ARRDC3: variants seen among roughly 807,000 people sequenced by gnomAD.
ARRDC3 encodes the protein arrestin domain-containing protein 3.
Under a neutral mutation model 47.2 loss-of-function variants are expected in ARRDC3, and 10 were observed. The observed-to-expected ratio is 0.21, with a 90% confidence interval of 0.13 to 0.36. The LOEUF (loss-of-function observed/expected upper bound fraction) is 0.36, where lower values mean the gene tolerates loss of function less well. Among genes scored for constraint, ARRDC3 ranks in the 10% least tolerant of loss-of-function variants. ARRDC3 has a pLI of 1.00. For missense variants in ARRDC3, 381 were observed against 503.6 expected, an observed-to-expected ratio of 0.76 and a Z score of 2.33; for synonymous variants, 156 against 178.3, an observed-to-expected ratio of 0.87 and a Z score of 1.00.
intron 3 of ARRDC3, among the ~76,000 whole-genome samples, chr5:91,376,092 T>C (rs1324213762): frequency 6.6e-6 from 1 of 152,194 alleles, no homozygotes; most frequent in Non-Finnish European, 1.5e-5. Context: ...ACCATTTGTT[T>C]AAATCAAATA....
chr5:91,371,491 A>G, intron 7 of ARRDC3, 35 bp from the exon 8 acceptor site: 1 of 1,536,806 alleles, frequency 6.5e-7, no homozygotes, highest in Non-Finnish European at 9.0e-7. Context: ...TTACAGAGTT[A>G]TTTCATGAGG....
chr5:91,376,718 A>C lies in ARRDC3; in HGVS notation c.413T>G (p.Val138Gly). 6.2e-7 allele frequency: 1 copy of C among 1,613,988 alleles called. No individual in the cohort carries two copies. The highest frequency in any genetic ancestry group is 8.5e-7 in the Non-Finnish European group (1 of 1,179,916). The change falls in exon 3 of 8, where the codon GTG becomes GGG. Residue 138 changes from valine (V) to glycine (G), a missense_variant. Coordinates refer to ENST00000265138, the MANE Select transcript of ARRDC3 (RefSeq NM_020801.4). ...CCAAGGCCTGTGCAATTCGGCTTTC[A>C]CCCAATAGCGCACACTGCCATGTCG... ...EGRHGSVRYW[V>G]KAELHRPWLL...
chr5:91,375,037 C>T lies in ARRDC3; in HGVS notation c.755G>A (p.Gly252Glu). The change falls in exon 5 of 8, where the codon GGG (glycine) becomes GAG (glutamate). Residue 252 changes from glycine to glutamate, a missense_variant. Transcript: ENST00000265138. ...EVKQLVANLR[G>E]ESLSSGKTET... ...TGTCTTTCCAGATGATAAGGATTCCCCACGCAAGTTAGCCACAAGCTGTTT... is the reference window on the plus strand; with the variant it reads ...TGTCTTTCCAGATGATAAGGATTCCTCACGCAAGTTAGCCACAAGCTGTTT... The T allele has an allele frequency of 6.2e-7, 1 of 1,614,180 alleles. No homozygotes were observed. The highest frequency in any genetic ancestry group is 8.5e-7 in the Non-Finnish European group (1 of 1,180,022).
At chr5:91,378,909 GTTCTAA>G (rs1164832453) in intron 1 of ARRDC3, 134 bp from the exon 2 acceptor site, 9 of 494,102 alleles carry the variant, frequency 1.8e-5, no homozygotes, top group East Asian at 1.7e-4. Flanking sequence ...AGAGATCTGA[GTTCTAA>G]TTCTAACTTC....
intron 7 of ARRDC3, 120 bp from the exon 8 acceptor site, chr5:91,371,576 T>G (rs1157996006): frequency 1.4e-5 from 10 of 718,052 alleles, no homozygotes; most frequent in Admixed American, 2.7e-5. Context: ...AAACACAGCT[T>G]GTTAGCATAT....
Position 91,369,980 on chromosome 5 carries a change from T to C in ARRDC3, c.*1420A>G, listed in dbSNP as rs1799132062. On this transcript the variant is annotated 3_prime_UTR_variant, in exon 8 of 8. Coordinates refer to ENST00000265138, the MANE Select transcript of ARRDC3 (RefSeq NM_020801.4). ...TTCTTTAGGTAATGAAAAACAGTAT[T>C]CTCATTAGAAAAACACAAAAATCCA... The C allele has an allele frequency of 6.6e-6, 1 of 152,160 alleles. No homozygotes were observed. Among genetic ancestry groups the C allele is most frequent in the African/African-American group, 2.4e-5 (1 of 41,434 alleles). The allele number at this position is 152,160 out of a possible 1,614,324, so 9.4% of individuals were successfully genotyped here.
rs777369374 is a variant in ARRDC3 at position 91,376,676 on chromosome 5, A to G, written c.455T>C (p.Leu152Ser). The G allele has an allele frequency of 6.2e-7, 1 of 1,613,526 alleles. No homozygotes were observed. Among genetic ancestry groups the G allele is most frequent in the South Asian group, 1.1e-5 (1 of 91,070 alleles). Residue 152 changes from leucine to serine, a missense_variant, in exon 3 of 8, where the codon TTA becomes TCA. Leu to Ser is a moderately radical substitution (Grantham distance 145). Transcript: ENST00000265138. ...LHRPWLLPVK[L>S]KKEFTVFEHI... ...CTCAAAGACTGTAAATTCCTTCTTT[A>G]ATTTTACTGGTAGTAGCCAAGGCCT...
At position 91,369,411 on chromosome 5, in the gene ARRDC3, T is replaced by G. The variant is rs1382200232; in HGVS notation, c.*1989A>C. The G allele has an allele frequency of 1.3e-5, 2 of 152,132 alleles. No homozygotes were observed. The highest frequency in any genetic ancestry group is 6.6e-5 in the Admixed American group (1 of 15,156). The allele number at this position is 152,132 out of a possible 1,614,324, so 9.4% of individuals were successfully genotyped here. A position where few individuals can be genotyped will look rare whatever the true frequency, so the allele number is the denominator to read the frequency against. On this transcript the variant is annotated 3_prime_UTR_variant, in exon 8 of 8. Transcript: ENST00000265138. ...ATATTTCACCCCCATTTCCTTATTATCTAGTATTAGTTTGCTACGGGAGCC... is the reference window on the plus strand; with the variant it reads ...ATATTTCACCCCCATTTCCTTATTAGCTAGTATTAGTTTGCTACGGGAGCC...
At position 91,371,008 on chromosome 5, in the gene ARRDC3, G is replaced by GAAAAAAAAAAAAAAAAAAAAAAAAAA. The variant is rs767515801; in HGVS notation, c.*391_*392insTTTTTTTTTTTTTTTTTTTTTTTTTT. ...GAGTATCAAGAGTCTGGCAAAAATA[G>GAAAAAAAAAAAAAAAAAAAAAAAAAA]AAAAAAAAAAAAAAAAAAAAAGAAG... is the stretch of plus-strand genomic sequence containing the variant. On this transcript the variant is annotated 3_prime_UTR_variant, in exon 8 of 8. Transcript: ENST00000265138. The GAAAAAAAAAAAAAAAAAAAAAAAAAA allele has an allele frequency of 2.6e-5, 2 of 77,680 alleles. No individual in the cohort carries two copies. The highest frequency in any genetic ancestry group is 4.2e-5 in the African/African-American group (1 of 23,888). The allele number at this position is 77,680 out of a possible 1,614,324, so 4.8% of individuals were successfully genotyped here.
At chr5:91,382,303 A>G (rs1324959551) in intron 1 of ARRDC3, among the ~76,000 whole-genome samples, 1 of 152,258 alleles carries the variant, frequency 6.6e-6, no homozygotes, top group Non-Finnish European at 1.5e-5. Flanking sequence ...TAAGCCACAG[A>G]AATCTTTTAT....
chr5:91,376,608 A>T lies in ARRDC3; in HGVS notation c.510+13T>A, dbSNP rs766826395. 1 of 1,590,150 alleles carries T rather than the reference A, an allele frequency of 6.3e-7. No homozygotes were observed. Among genetic ancestry groups the T allele is most frequent in the Non-Finnish European group, 8.6e-7 (1 of 1,163,602 alleles). On this transcript the variant is annotated intron_variant, in intron 3 of 7. Coordinates refer to ENST00000265138, the MANE Select transcript of ARRDC3 (RefSeq NM_020801.4). The stretch of plus-strand genomic sequence containing the variant: ...GCCAAAAACAAAGAATAAATAATTC[A>T]GTCAATTCTTACCAGTAATGAAGGA...
rs1799170763 is a variant in ARRDC3, at chr5:91,371,287, G to A, written c.*113C>T. The A allele has an allele frequency of 4.3e-6, 4 of 921,094 alleles. No homozygotes were observed. The highest frequency in any genetic ancestry group is 6.6e-6 in the Non-Finnish European group (4 of 604,124). 57.1% of individuals were successfully genotyped at this position (921,094 alleles called of 1,614,324 possible). A position where few individuals can be genotyped will look rare whatever the true frequency, so the allele number is the denominator to read the frequency against. ...TGTTTCATGTATTCGCCATTTTTCTGGGCAAAAGTAATTCCACTTCCTCTG... is the reference window on the plus strand; with the variant it reads ...TGTTTCATGTATTCGCCATTTTTCTAGGCAAAAGTAATTCCACTTCCTCTG... On this transcript the variant is annotated 3_prime_UTR_variant, in exon 8 of 8. Transcript: ENST00000265138.
intron 1 of ARRDC3, among the ~76,000 whole-genome samples, chr5:91,381,664 A>T (rs1799460290): frequency 6.6e-6 from 1 of 152,254 alleles, no homozygotes; most frequent in African/African-American, 2.4e-5. Flanking sequence ...AATATAAAAA[A>T]TAAGGTAAAA....
chr5:91,371,173 C>T lies in ARRDC3; in HGVS notation c.*227G>A. ...CTAAGAAGACTGCTCTGAGTATGTG[C>T]CAGTTTTAAAAGAGAAAAGCTTAGA... is the stretch of plus-strand genomic sequence containing the variant. On this transcript the variant is annotated 3_prime_UTR_variant, in exon 8 of 8. Coordinates refer to ENST00000265138, the MANE Select transcript of ARRDC3 (RefSeq NM_020801.4). 1.9e-6 allele frequency: 1 copy of T among 534,444 alleles called. No individual in the cohort carries two copies. Among genetic ancestry groups the T allele is most frequent in the African/African-American group, 1.9e-5 (1 of 52,534 alleles). 33.1% of individuals were successfully genotyped at this position (534,444 alleles called of 1,614,324 possible).
Position 91,376,630 on chromosome 5 carries a change from A to G in ARRDC3, c.501T>C (p.Pro167=), listed in dbSNP as rs754291964. The G allele has an allele frequency of 4.4e-6, 7 of 1,607,574 alleles. No homozygotes were observed. In the South Asian group the frequency reaches 4.4e-5, roughly 10 times the overall value. ...TTCAGTCAATTCTTACCAGTAATGAAGGAGTGTTGATATCTATATGCTCAA... is the reference window on the plus strand; with the variant it reads ...TTCAGTCAATTCTTACCAGTAATGAGGGAGTGTTGATATCTATATGCTCAA... ...TVFEHIDINT[P]SLLSPQAGTK... Residue 167 remains proline (P), a synonymous_variant, in exon 3 of 8, where the codon CCT becomes CCC. Coordinates refer to ENST00000265138, the MANE Select transcript of ARRDC3 (RefSeq NM_020801.4).
Position 91,371,230 on chromosome 5 carries a change from T to C in ARRDC3, c.*170A>G. 1.7e-6 allele frequency: 1 copy of C among 599,648 alleles called. No individual in the cohort carries two copies. The allele number at this position is 599,648 out of a possible 1,614,324, so 37.1% of individuals were successfully genotyped here. On this transcript the variant is annotated 3_prime_UTR_variant, in exon 8 of 8. Transcript: ENST00000265138. ...AGCATGTTGGAGCAGTCTCAGAATGTTGCTGTAGGCTTCTAAAGCATGATC... is the reference window on the plus strand; with the variant it reads ...AGCATGTTGGAGCAGTCTCAGAATGCTGCTGTAGGCTTCTAAAGCATGATC...
In ARRDC3 at chr5:91,371,311, T is replaced by C; in HGVS notation, c.*89A>G. The stretch of plus-strand genomic sequence containing the variant: ...TGGGCAAAAGTAATTCCACTTCCTC[T>C]GAAACGTGTCTCCAAGATACTTCTC... On this transcript the variant is annotated 3_prime_UTR_variant, in exon 8 of 8. Transcript: ENST00000265138. 1 of 1,194,768 alleles carries C rather than the reference T, an allele frequency of 8.4e-7. No individual in the cohort carries two copies. The allele number at this position is 1,194,768 out of a possible 1,614,324, so 74.0% of individuals were successfully genotyped here. A position where few individuals can be genotyped will look rare whatever the true frequency, so the allele number is the denominator to read the frequency against.
rs1799490097 is a variant in ARRDC3 at position 91,383,296 on chromosome 5, T to C, written c.-204A>G. On this transcript the variant is annotated 5_prime_UTR_variant, in exon 1 of 8. Coordinates refer to ENST00000265138, the MANE Select transcript of ARRDC3 (RefSeq NM_020801.4). ...CTGCTGCTCCGCGCTCCCGCTCGTC[T>C]CAGTGGTCTCCTTACAAAGACGGGC... 1 of 531,082 alleles carries C rather than the reference T, an allele frequency of 1.9e-6. No homozygotes were observed. Among genetic ancestry groups the C allele is most frequent in the African/African-American group, 1.9e-5 (1 of 51,342 alleles). 32.9% of individuals were successfully genotyped at this position (531,082 alleles called of 1,614,324 possible).
In ARRDC3 at chr5:91,373,951, A is replaced by G; in HGVS notation, c.1034-113T>C. On this transcript the variant is annotated intron_variant, in intron 6 of 7. Coordinates refer to ENST00000265138, the MANE Select transcript of ARRDC3 (RefSeq NM_020801.4). ...AAGGTAAAATAATTATTGTTTGGTG[A>G]TCAAAACTATGAAGACATATAATCA... The G allele has an allele frequency of 4.0e-6, 6 of 1,488,374 alleles. No homozygotes were observed. The South Asian group carries it at 7.4e-5, about 18-fold the overall frequency. 92.2% of individuals were successfully genotyped at this position (1,488,374 alleles called of 1,614,324 possible).
Sources: allele counts gnomAD v4.1 joint callset (sites outside exome capture counted in the v4.1 genomes callset), GRCh38; gene constraint gnomAD v4.1.1; transcripts MANE v1.5; gene names NCBI Gene and HGNC (gene_info 2026-07-23, HGNC 2026-07-21).